INPP5A: variants seen among roughly 807,000 people sequenced by gnomAD.
INPP5A encodes 43 kDa inositol polyphosphate 5-phophatase.
Under a neutral mutation model 65.2 loss-of-function variants are expected in INPP5A, and 14 were observed. The ratio of observed to expected loss-of-function variants is 0.21; its 90% CI spans 0.14 to 0.34. The LOEUF (loss-of-function observed/expected upper bound fraction) is 0.34, where lower values mean the gene tolerates loss of function less well. INPP5A is among the 10% of genes least tolerant of loss of function. The probability of loss-of-function intolerance (pLI) is 1.00; values close to 1 mark genes in which losing one functional copy is unlikely to be tolerated. For missense variants in INPP5A, 431 were observed against 545.6 expected, an observed-to-expected ratio of 0.79 and a Z score of 2.09; for synonymous variants, 207 against 208.3, an observed-to-expected ratio of 0.99 and a Z score of 0.05.
At chr10:132,763,142 A>AT (rs1433148532) in intron 11 of INPP5A, among the ~76,000 whole-genome samples, 1 of 152,190 alleles carries the variant, frequency 6.6e-6, no homozygotes, top group Non-Finnish European at 1.5e-5. Context: ...TATCATAGAG[A>AT]TTCAGGGAAC....
At chr10:132,747,228 G>A (rs1230265173) in intron 9 of INPP5A, among the ~76,000 whole-genome samples, 2 of 152,216 alleles carry the variant, frequency 1.3e-5, no homozygotes, top group African/African-American at 4.8e-5. Context: ...TGGGACACAG[G>A]GGTGGGCAGG....
At position 132,705,498 on chromosome 10, in the gene INPP5A, GGTGT is replaced by G. The variant is rs1465682601; in HGVS notation, c.475-2813_475-2810del. 6.6e-6 allele frequency among the ~76,000 whole-genome samples: 1 copy of G among 152,252 alleles called. No individual in the cohort carries two copies. Among genetic ancestry groups the G allele is most frequent in the Non-Finnish European group, 1.5e-5 (1 of 68,048 alleles). On this transcript the variant is annotated intron_variant, in intron 6 of 15. Coordinates refer to ENST00000368594, the MANE Select transcript of INPP5A (RefSeq NM_005539.5). This position sits in a 1 kb window ranked among gnomAD's most constrained non-coding sequence, Gnocchi z 4.9. ...GGGCTCAGTACCAGAGCCAGCTCGT[GGTGT>G]GAGGACGGATCCTCCTCGACGAGTA...
In INPP5A at chr10:132,569,843, G is replaced by T. The variant is rs572834373; in HGVS notation, c.75+31672G>T. 4.0e-5 allele frequency among the ~76,000 whole-genome samples: 6 copies of T among 150,148 alleles called. No individual in the cohort carries two copies. In the East Asian group the frequency reaches 1.2e-3, roughly 29 times the overall value. On this transcript the variant is annotated intron_variant, in intron 1 of 15. Coordinates refer to ENST00000368594, the MANE Select transcript of INPP5A (RefSeq NM_005539.5). Reference sequence around the variant, plus strand: ...TTAATTGAATTTTTAGTAGAGATGGGGTTTCACCATATTGGCCAGGCTGGT... The same window carrying T: ...TTAATTGAATTTTTAGTAGAGATGGTGTTTCACCATATTGGCCAGGCTGGT...
intron 5 of INPP5A, among the ~76,000 whole-genome samples, chr10:132,691,388 C>G (rs1020970272): frequency 1.8e-4 from 28 of 152,154 alleles, no homozygotes; most frequent in African/African-American, 6.3e-4. Context: ...CTCTCCGCTC[C>G]GTTTTGGAGA....
chr10:132,777,816 G>C lies in INPP5A; in HGVS notation c.1089+34G>C, dbSNP rs772317369. 8 of 1,605,636 alleles carry C rather than the reference G, an allele frequency of 5.0e-6. No homozygotes were observed. In the Admixed American group the frequency reaches 5.1e-5, roughly 10 times the overall value. On this transcript the variant is annotated intron_variant, in intron 13 of 15. Coordinates refer to ENST00000368594, the MANE Select transcript of INPP5A (RefSeq NM_005539.5). ...GTGCTGCCCCAGCCCTGGGCACAGAGGGATGTGGAGCGCTGGGTCTGGTCT... is the reference window on the plus strand; with the variant it reads ...GTGCTGCCCCAGCCCTGGGCACAGACGGATGTGGAGCGCTGGGTCTGGTCT...
intron 11 of INPP5A, among the ~76,000 whole-genome samples, chr10:132,761,463 G>T (rs1394869207): frequency 6.6e-6 from 1 of 152,054 alleles, no homozygotes; most frequent in Non-Finnish European, 1.5e-5. Flanking sequence ...GGACAGCATG[G>T]TGGGGAGGAG....
At chr10:132,571,781 A>G (rs2071344611) in intron 1 of INPP5A, among the ~76,000 whole-genome samples, 1 of 152,164 alleles carries the variant, frequency 6.6e-6, no homozygotes, top group South Asian at 2.1e-4. Context: ...GTGTTGCTCC[A>G]TTGCACAGAT....
intron 2 of INPP5A, among the ~76,000 whole-genome samples, chr10:132,615,788 G>A (rs1450136819): frequency 2.0e-5 from 3 of 152,234 alleles, no homozygotes; most frequent in African/African-American, 4.8e-5. Flanking sequence ...CCCTGGGTCA[G>A]TGGAGTGTAG....
At chr10:132,585,800 C>T (rs542140042) in intron 1 of INPP5A, among the ~76,000 whole-genome samples, 2 of 152,352 alleles carry the variant, frequency 1.3e-5, no homozygotes, top group East Asian at 1.9e-4. Flanking sequence ...CTGTGTGACG[C>T]TCCCCACAGA....
chr10:132,770,558 C>T lies in INPP5A; in HGVS notation c.977+4712C>T, dbSNP rs554404370. Among the ~76,000 whole-genome samples the T allele has an allele frequency of 8.0e-5, 12 of 150,340 alleles. No homozygotes were observed. The East Asian group carries it at 1.2e-3, about 15-fold the overall frequency. ...CCACATGCCACCATCGAAATGGCCC[C>T]GCAGAGCCTCGCTGGCCGCCCCGGT... On this transcript the variant is annotated intron_variant, in intron 12 of 15. Coordinates refer to ENST00000368594, the MANE Select transcript of INPP5A (RefSeq NM_005539.5).
chr10:132,624,490 C>T (rs1235810270), intron 2 of INPP5A, among the ~76,000 whole-genome samples: 3 of 152,076 alleles, frequency 2.0e-5, no homozygotes, highest in African/African-American at 7.2e-5. Context: ...GGCGTGTCTG[C>T]ACTTCCCACC....
chr10:132,568,916 T>A (rs2071304823), intron 1 of INPP5A, among the ~76,000 whole-genome samples: 1 of 149,004 alleles, frequency 6.7e-6, no homozygotes, highest in Non-Finnish European at 1.5e-5. Flanking sequence ...CCGGCATTTT[T>A]TTTTTTTTTT....
chr10:132,736,844 C>T (rs1247239421), intron 9 of INPP5A, among the ~76,000 whole-genome samples: 1 of 152,240 alleles, frequency 6.6e-6, no homozygotes, highest in Non-Finnish European at 1.5e-5. Context: ...CTGAGACCCG[C>T]TGGCTGCTCC....
Position 132,715,006 on chromosome 10 carries a change from G to A in INPP5A, c.647+4550G>A, listed in dbSNP as rs561482384. Among the ~76,000 whole-genome samples, 29 of 152,336 alleles carry A rather than the reference G, an allele frequency of 1.9e-4. No homozygotes were observed. In the East Asian group the frequency reaches 5.6e-3, roughly 29 times the overall value. Reference sequence around the variant, plus strand: ...GCTGGGCTGGGGTCCTGGACCCTGGGTGAGGCCGGGCCGTGCACACCCTTG... The same window carrying A: ...GCTGGGCTGGGGTCCTGGACCCTGGATGAGGCCGGGCCGTGCACACCCTTG... On this transcript the variant is annotated intron_variant, in intron 8 of 15. Transcript: ENST00000368594.
At chr10:132,688,591 A>G (rs1364850633) in intron 4 of INPP5A, among the ~76,000 whole-genome samples, 1 of 152,192 alleles carries the variant, frequency 6.6e-6, no homozygotes, top group Non-Finnish European at 1.5e-5. Context: ...GCAAGAGTGC[A>G]TGAGTGCGTG....
intron 8 of INPP5A, among the ~76,000 whole-genome samples, chr10:132,717,031 C>T (rs1318917531): frequency 6.6e-6 from 1 of 152,150 alleles, no homozygotes; most frequent in Non-Finnish European, 1.5e-5. Flanking sequence ...GGTCCAGAGG[C>T]CATCTCAGCC....
chr10:132,660,391 G>C (rs1428379609), intron 4 of INPP5A, among the ~76,000 whole-genome samples: 15 of 152,346 alleles, frequency 9.8e-5, no homozygotes, highest in African/African-American at 3.1e-4. Flanking sequence ...TGTTTTCATA[G>C]TGTGCCTTGC....
At chr10:132,743,750 C>T (rs1846318780) in intron 9 of INPP5A, among the ~76,000 whole-genome samples, 1 of 152,238 alleles carries the variant, frequency 6.6e-6, no homozygotes, top group African/African-American at 2.4e-5. Flanking sequence ...TGCTGACGGG[C>T]AGCCTCACTG....
chr10:132,749,247 C>G (rs575908167), intron 9 of INPP5A, among the ~76,000 whole-genome samples: 1 of 151,678 alleles, frequency 6.6e-6, no homozygotes, highest in African/African-American at 2.4e-5. Flanking sequence ...GGCTTTTGCC[C>G]CAAAGCAGCT....
Sources: gnomAD v4.1 joint callset for allele counts (sites outside exome capture counted in the v4.1 genomes callset) on GRCh38, gnomAD v4.1.1 for gene constraint, Gnocchi (gnomAD v3.1) non-coding constraint, MANE v1.5 for transcripts, NCBI Gene and HGNC (gene_info 2026-07-23, HGNC 2026-07-21) for gene names.